Variants in KIAA1958 observed in about 807,000 individuals in gnomAD.
KIAA1958 encodes uncharacterized protein KIAA1958.
KIAA1958 carries 14 observed loss-of-function variants against 47.2 expected under a neutral mutation model. That is an observed-to-expected ratio of 0.30 (90% CI 0.20 to 0.46). KIAA1958 has a LOEUF of 0.46. KIAA1958 is among the 20% of genes least tolerant of loss of function. The pLI is 1.00. For missense variants in KIAA1958, 803 were observed against 909.2 expected, an observed-to-expected ratio of 0.88 and a Z score of 1.50; for synonymous variants, 354 against 353.3, an observed-to-expected ratio of 1.00 and a Z score of -0.02.
intron 3 of KIAA1958, among the ~76,000 whole-genome samples, chr9:112,653,976 C>T (rs1837106240): frequency 6.6e-6 from 1 of 152,144 alleles, no homozygotes; most frequent in African/African-American, 2.4e-5. Context: ...TTGGAATTCA[C>T]ACACTGTCAC....
At chr9:112,496,222 A>G (rs1834049360) in intron 1 of KIAA1958, among the ~76,000 whole-genome samples, 1 of 152,246 alleles carries the variant, frequency 6.6e-6, no homozygotes, top group South Asian at 2.1e-4. Context: ...ACAATGGAAT[A>G]CTGTAGATCG....
chr9:112,529,215 A>C (rs1019732377), intron 1 of KIAA1958, among the ~76,000 whole-genome samples: 52 of 152,228 alleles, frequency 3.4e-4, no homozygotes, highest in African/African-American at 1.1e-3. Flanking sequence ...TATATAATAC[A>C]TATTGTATAT....
intron 1 of KIAA1958, among the ~76,000 whole-genome samples, chr9:112,573,166 G>A (rs1423745200): frequency 2.0e-5 from 3 of 152,118 alleles, no homozygotes; most frequent in Non-Finnish European, 2.9e-5. Flanking sequence ...CTCCTAACAA[G>A]GGCTTCTTTT....
intron 1 of KIAA1958, among the ~76,000 whole-genome samples, chr9:112,499,935 A>T (rs1027457860): frequency 1.3e-5 from 2 of 151,462 alleles, no homozygotes; most frequent in Non-Finnish European, 2.9e-5. Context: ...TGATCCACCC[A>T]CCTCGGCCTC....
At chr9:112,510,279 A>C (rs1834302473) in intron 1 of KIAA1958, among the ~76,000 whole-genome samples, 1 of 152,170 alleles carries the variant, frequency 6.6e-6, no homozygotes, top group African/African-American at 2.4e-5. Context: ...GATTAAGTGA[A>C]TCAGATGTCA....
chr9:112,654,077 C>T (rs1489917524), intron 3 of KIAA1958, among the ~76,000 whole-genome samples: 1 of 152,058 alleles, frequency 6.6e-6, no homozygotes, highest in African/African-American at 2.4e-5. Flanking sequence ...AGTCTCATTG[C>T]CAAAGGGTGT....
intron 1 of KIAA1958, among the ~76,000 whole-genome samples, chr9:112,496,315 A>G (rs560135167): frequency 1.3e-5 from 2 of 152,230 alleles, no homozygotes; most frequent in African/African-American, 4.8e-5. Flanking sequence ...GAAGCCAGAC[A>G]GAGCAGAGTT....
At chr9:112,581,171 T>G (rs2131180781) in intron 2 of KIAA1958, among the ~76,000 whole-genome samples, 1 of 152,336 alleles carries the variant, frequency 6.6e-6, no homozygotes, top group Admixed American at 6.5e-5. Flanking sequence ...TTCACTTCTC[T>G]GAAACTCAGT....
chr9:112,563,297 A>T (rs1564173547), intron 1 of KIAA1958, among the ~76,000 whole-genome samples: 1 of 152,064 alleles, frequency 6.6e-6, no homozygotes, highest in South Asian at 2.1e-4. Flanking sequence ...AATTGCATCA[A>T]ACCTATAGAT....
chr9:112,493,751 G>A (rs961634880), intron 1 of KIAA1958, among the ~76,000 whole-genome samples: 4 of 152,102 alleles, frequency 2.6e-5, no homozygotes, highest in African/African-American at 9.7e-5. Flanking sequence ...ATTTAACACT[G>A]TTTATCTGTG....
chr9:112,538,528 G>C (rs558989924), intron 1 of KIAA1958, among the ~76,000 whole-genome samples: 2 of 152,252 alleles, frequency 1.3e-5, no homozygotes, highest in East Asian at 3.9e-4. Flanking sequence ...AACAGCATTA[G>C]ACAAAGTGGA....
intron 1 of KIAA1958, among the ~76,000 whole-genome samples, chr9:112,507,190 T>C (rs1241408438): frequency 1.3e-5 from 2 of 152,196 alleles, no homozygotes; most frequent in Non-Finnish European, 2.9e-5. Flanking sequence ...TCCCTGCTGA[T>C]GCACTAAGCT....
chr9:112,495,333 T>C (rs1834035065), intron 1 of KIAA1958, among the ~76,000 whole-genome samples: 1 of 152,220 alleles, frequency 6.6e-6, no homozygotes, highest in Non-Finnish European at 1.5e-5. Context: ...ACCTGTACTT[T>C]TGGAGAAGGT....
chr9:112,601,038 T>C (rs1484859726), intron 2 of KIAA1958, among the ~76,000 whole-genome samples: 1 of 152,214 alleles, frequency 6.6e-6, no homozygotes, highest in Non-Finnish European at 1.5e-5. Context: ...CCAGGCATTC[T>C]TGTTGGCAGA....
rs184578949 is a variant in KIAA1958 at position 112,533,255 on chromosome 9, G to A, written c.-24-40802G>A. The stretch of plus-strand genomic sequence containing the variant: ...TCATGCTGCTGTGAAGGAGTACCTC[G>A]AACTGGGTAATTTATAAAGAAAAGA... On this transcript the variant is annotated intron_variant, in intron 1 of 3. Transcript: ENST00000337530. Among the ~76,000 whole-genome samples the A allele has an allele frequency of 2.9e-3, 436 of 151,852 alleles. 3 individuals carry two copies. The highest frequency in any genetic ancestry group is 0.01 in the African/African-American group (415 of 41,426).
Position 112,589,391 on chromosome 9 carries a change from G to T in KIAA1958, c.1171+14140G>T, listed in dbSNP as rs551693624. 2.6e-5 allele frequency among the ~76,000 whole-genome samples: 4 copies of T among 152,322 alleles called. No homozygotes were observed. The South Asian group carries it at 8.3e-4, about 32-fold the overall frequency. On this transcript the variant is annotated intron_variant, in intron 2 of 3. Coordinates refer to ENST00000337530, the MANE Select transcript of KIAA1958 (RefSeq NM_133465.4). ...GCTGGTGGATCACCTGAGGTCAGGA[G>T]TTCAAGACCAGCCTGACCAACATGG...
chr9:112,548,103 A>C (rs552020132), intron 1 of KIAA1958, among the ~76,000 whole-genome samples: 155 of 146,138 alleles, frequency 1.1e-3, no homozygotes, highest in African/African-American at 3.8e-3. Context: ...TCCTGGGCTC[A>C]AGCAATCCTC....
chr9:112,539,034 A>G (rs1333504959), intron 1 of KIAA1958, among the ~76,000 whole-genome samples: 2 of 152,252 alleles, frequency 1.3e-5, no homozygotes, highest in African/African-American at 2.4e-5. Flanking sequence ...TAATAAAAAG[A>G]TGGACAATAA....
intron 1 of KIAA1958, among the ~76,000 whole-genome samples, chr9:112,501,992 C>T (rs1834149873): frequency 6.6e-6 from 1 of 152,144 alleles, no homozygotes; most frequent in Non-Finnish European, 1.5e-5. Flanking sequence ...AATGTTCAGC[C>T]TCCATGATAA....
Sources: gnomAD v4.1 joint callset for allele counts (sites outside exome capture counted in the v4.1 genomes callset) on GRCh38, gnomAD v4.1.1 for gene constraint, MANE v1.5 for transcripts, NCBI Gene and HGNC (gene_info 2026-07-23, HGNC 2026-07-21) for gene names.